Variants in MOB3B observed in about 807,000 individuals in gnomAD.
MOB3B encodes the protein MOB kinase activator 3B.
A neutral mutation model predicts 18.7 loss-of-function variants in MOB3B; 7 were observed. That is an observed-to-expected ratio of 0.37 (90% CI 0.21 to 0.70). The LOEUF is 0.70. Ranked by LOEUF, MOB3B falls within the 30% of genes least tolerant of loss-of-function variation. The pLI is 0.52. For missense variants in MOB3B, 253 were observed against 281.3 expected, an observed-to-expected ratio of 0.90 and a Z score of 0.72; for synonymous variants, 111 against 99.9, an observed-to-expected ratio of 1.11 and a Z score of -0.66.
rs561151270 is a variant in MOB3B at position 27,517,616 on chromosome 9, C to T, written c.-199+11939G>A. On this transcript the variant is annotated intron_variant, in intron 1 of 3. Coordinates refer to ENST00000262244, the MANE Select transcript of MOB3B (RefSeq NM_024761.5). ...TGAGCAGAGATCATGCCACTGCACT[C>T]CAGCCTGGCCGACAGAGCGAGACTC... Among the ~76,000 whole-genome samples the T allele has an allele frequency of 2.7e-3, 336 of 124,478 alleles. 1 individual carries two copies. Among genetic ancestry groups the T allele is most frequent in the Middle Eastern group, 5.4e-3 (1 of 184 alleles). 81.7% of individuals were successfully genotyped at this position (124,478 alleles called of 152,430 possible).
intron 1 of MOB3B, among the ~76,000 whole-genome samples, chr9:27,481,514 T>G (rs1444218504): frequency 7.3e-6 from 1 of 136,534 alleles, no homozygotes; most frequent in Non-Finnish European, 1.6e-5. Flanking sequence ...TTTTTTTGTT[T>G]TTTTTGTTTT....
chr9:27,350,182 A>G (rs915647100), intron 3 of MOB3B, among the ~76,000 whole-genome samples: 11 of 151,958 alleles, frequency 7.2e-5, no homozygotes, highest in Admixed American at 2.6e-4. Context: ...TCTGATTAGA[A>G]AAGTGACACA....
At chr9:27,345,801 G>C (rs2131343681) in intron 3 of MOB3B, among the ~76,000 whole-genome samples, 1 of 152,280 alleles carries the variant, frequency 6.6e-6, no homozygotes, top group East Asian at 1.9e-4. Context: ...AAAGTGACTT[G>C]ACTGTGGTCC....
At chr9:27,428,518 T>C (rs529490428) in intron 2 of MOB3B, among the ~76,000 whole-genome samples, 159 of 152,276 alleles carry the variant, frequency 1.0e-3, no homozygotes, top group African/African-American at 3.7e-3. Context: ...GTTTGTTCTG[T>C]GTGGAGAAAT....
intron 1 of MOB3B, among the ~76,000 whole-genome samples, chr9:27,499,187 T>C (rs2131493353): frequency 6.6e-6 from 1 of 152,348 alleles, no homozygotes; most frequent in East Asian, 1.9e-4. Flanking sequence ...TTGACAATTA[T>C]ATTTATTTTT....
At chr9:27,362,892 G>A (rs1013824665) in intron 2 of MOB3B, among the ~76,000 whole-genome samples, 2 of 152,204 alleles carry the variant, frequency 1.3e-5, no homozygotes, top group African/African-American at 4.8e-5. Context: ...TTGTGTGTGT[G>A]TTTTAAATAA....
In MOB3B at chr9:27,417,404, C is replaced by CA. The variant is rs1310684766; in HGVS notation, c.418+37728dup. 2.0e-5 allele frequency among the ~76,000 whole-genome samples: 3 copies of CA among 151,844 alleles called. No individual in the cohort carries two copies. In the East Asian group the frequency reaches 5.8e-4, roughly 30 times the overall value. On this transcript the variant is annotated intron_variant, in intron 2 of 3. Coordinates refer to ENST00000262244, the MANE Select transcript of MOB3B (RefSeq NM_024761.5). ...CAAAACAAACAAACAAACAAACAAACAAAACGTCAAATGCCTGAAATGCAT... is the reference window on the plus strand; with the variant it reads ...CAAAACAAACAAACAAACAAACAAACAAAAACGTCAAATGCCTGAAATGCAT...
Position 27,431,448 on chromosome 9 carries a change from A to T in MOB3B, c.418+23685T>A, listed in dbSNP as rs544764236. On this transcript the variant is annotated intron_variant, in intron 2 of 3. Coordinates refer to ENST00000262244, the MANE Select transcript of MOB3B (RefSeq NM_024761.5). ...CTTCACAAGATTCAGAGGGAGTCCA[A>T]TCCCACAAAAAGGACAGCCTTAGGC... Among the ~76,000 whole-genome samples, 28 of 152,374 alleles carry T rather than the reference A, an allele frequency of 1.8e-4. No individual in the cohort carries two copies. In the South Asian group the frequency reaches 5.4e-3, roughly 29 times the overall value.
intron 2 of MOB3B, among the ~76,000 whole-genome samples, chr9:27,385,509 A>G (rs1274979709): frequency 6.6e-6 from 1 of 152,164 alleles, no homozygotes; most frequent in Non-Finnish European, 1.5e-5. Context: ...CCTCTCCTGC[A>G]TACCTGCCCT....
At chr9:27,402,529 A>T (rs1204310810) in intron 2 of MOB3B, among the ~76,000 whole-genome samples, 1 of 152,254 alleles carries the variant, frequency 6.6e-6, no homozygotes, top group Admixed American at 6.5e-5. Context: ...CAATAGGAAC[A>T]CGATAAATGT....
intron 1 of MOB3B, among the ~76,000 whole-genome samples, chr9:27,494,668 C>A (rs771389904): frequency 1.3e-5 from 2 of 152,118 alleles, no homozygotes; most frequent in South Asian, 2.1e-4. Context: ...GCACGCACCA[C>A]CAAACCTGGC....
intron 2 of MOB3B, among the ~76,000 whole-genome samples, chr9:27,366,128 T>C (rs1821339497): frequency 6.6e-6 from 1 of 152,196 alleles, no homozygotes; most frequent in South Asian, 2.1e-4. Context: ...GACAGCCTTG[T>C]AGCCCTGTCT....
At chr9:27,351,471 T>C (rs1460291529) in intron 3 of MOB3B, among the ~76,000 whole-genome samples, 1 of 152,230 alleles carries the variant, frequency 6.6e-6, no homozygotes, top group Non-Finnish European at 1.5e-5. Flanking sequence ...GGAAATGCCA[T>C]TGTAAAGGCC....
intron 2 of MOB3B, among the ~76,000 whole-genome samples, chr9:27,360,566 A>G (rs1231744269): frequency 6.6e-6 from 1 of 152,240 alleles, no homozygotes; most frequent in Non-Finnish European, 1.5e-5. Flanking sequence ...AGAAAGGTAG[A>G]AATGACCACT....
chr9:27,402,189 A>C (rs1370660927), intron 2 of MOB3B, among the ~76,000 whole-genome samples: 5 of 152,250 alleles, frequency 3.3e-5, no homozygotes, highest in Non-Finnish European at 5.9e-5. Context: ...AGGAATAGTC[A>C]ATAAACGGTA....
At chr9:27,488,154 T>C (rs565259552) in intron 1 of MOB3B, among the ~76,000 whole-genome samples, 2 of 152,218 alleles carry the variant, frequency 1.3e-5, no homozygotes, top group Non-Finnish European at 2.9e-5. Flanking sequence ...TGCAAACAAC[T>C]AGCTGTTTCC....
chr9:27,420,414 A>G (rs575056947), intron 2 of MOB3B, among the ~76,000 whole-genome samples: 2 of 151,718 alleles, frequency 1.3e-5, no homozygotes, highest in South Asian at 2.1e-4. Context: ...CCAATTGTCC[A>G]TCGATCAACG....
At chr9:27,354,561 G>C (rs1280753037) in intron 3 of MOB3B, among the ~76,000 whole-genome samples, 1 of 152,168 alleles carries the variant, frequency 6.6e-6, no homozygotes, top group Non-Finnish European at 1.5e-5. Flanking sequence ...CATGGAAATG[G>C]GTAAGTGGAG....
At chr9:27,471,323 A>T (rs956576245) in intron 1 of MOB3B, among the ~76,000 whole-genome samples, 1 of 152,232 alleles carries the variant, frequency 6.6e-6, no homozygotes, top group Non-Finnish European at 1.5e-5. Context: ...TAAGAATGGC[A>T]GAAAAAGTCC....
Sources: allele counts gnomAD v4.1 joint callset (sites outside exome capture counted in the v4.1 genomes callset), GRCh38; gene constraint gnomAD v4.1.1; transcripts MANE v1.5; gene names NCBI Gene and HGNC (gene_info 2026-07-23, HGNC 2026-07-21).